Variants in CCDC7 observed in about 807,000 individuals in gnomAD.
CCDC7 encodes the protein coiled-coil domain containing 7.
Under a neutral mutation model 196.9 loss-of-function variants are expected in CCDC7, and 183 were observed. That is an observed-to-expected ratio of 0.93 (90% CI 0.82 to 1.05). The LOEUF (loss-of-function observed/expected upper bound fraction) is 1.05. Ranked by LOEUF, CCDC7 falls within the 50% of genes least tolerant of loss-of-function variation. The pLI, the probability that CCDC7 is intolerant of heterozygous loss-of-function variation, is 0.00. For synonymous variants in CCDC7, 525 were observed against 484.6 expected (o/e 1.08, Z -1.10); for missense variants, 1,540 against 1,482.2 (o/e 1.04, Z -0.64).
chr10:32,714,452 T>C (rs979707001), intron 25 of CCDC7, among the ~76,000 whole-genome samples: 3 of 151,974 alleles, frequency 2.0e-5, no homozygotes, highest in Non-Finnish European at 2.9e-5. Context: ...GGGCCCTAGG[T>C]TTCAAGCACA....
chr10:32,621,340 C>T (rs976920403), intron 18 of CCDC7, among the ~76,000 whole-genome samples: 7 of 152,072 alleles, frequency 4.6e-5, no homozygotes, highest in Non-Finnish European at 8.8e-5. Flanking sequence ...GTTAGGATTC[C>T]CAATTCATGT....
chr10:32,806,996 G>A (rs2085980993), intron 30 of CCDC7, among the ~76,000 whole-genome samples: 1 of 152,092 alleles, frequency 6.6e-6, no homozygotes, highest in Non-Finnish European at 1.5e-5. Flanking sequence ...ATGAAGGACT[G>A]TTAACCAAAA....
intron 18 of CCDC7, among the ~76,000 whole-genome samples, chr10:32,587,297 C>T (rs1040047544): frequency 1.3e-5 from 2 of 152,156 alleles, no homozygotes; most frequent in African/African-American, 2.4e-5. Flanking sequence ...TTTTACAGTT[C>T]TGAAGGCTGG....
intron 8 of CCDC7, among the ~76,000 whole-genome samples, chr10:32,489,411 C>T (rs2041810735): frequency 1.3e-5 from 2 of 152,180 alleles, no homozygotes; most frequent in South Asian, 4.1e-4. Context: ...GGTGGTAGCT[C>T]TGATGTCTGA....
chr10:32,783,354 T>C (rs755203057), intron 29 of CCDC7, among the ~76,000 whole-genome samples: 2 of 152,178 alleles, frequency 1.3e-5, no homozygotes, highest in Non-Finnish European at 2.9e-5. Flanking sequence ...GTGATTTGAA[T>C]AGACATTTTT....
chr10:32,820,767 A>T lies in CCDC7; in HGVS notation c.3182-3751A>T, dbSNP rs1403579444. On this transcript the variant is annotated intron_variant, in intron 31 of 41. Transcript: ENST00000639629. ...CTGAGAAAACTGGCTAGCCATATGT[A>T]GAAAGCTGAAACTAGATAGCTTCCT... 3.9e-5 allele frequency among the ~76,000 whole-genome samples: 6 copies of T among 152,364 alleles called. No individual in the cohort carries two copies. In the East Asian group the frequency reaches 1.2e-3, roughly 29 times the overall value.
chr10:32,768,294 T>C (rs2078640682), intron 28 of CCDC7, among the ~76,000 whole-genome samples: 1 of 152,146 alleles, frequency 6.6e-6, no homozygotes, highest in Admixed American at 6.6e-5. Context: ...GTAGCTATTG[T>C]AAGTGGGATT....
chr10:32,792,006 T>A (rs1463568425), intron 29 of CCDC7, among the ~76,000 whole-genome samples: 1 of 152,162 alleles, frequency 6.6e-6, no homozygotes, highest in African/African-American at 2.4e-5. Context: ...TTCCATCAGA[T>A]TTCTTTGTAG....
chr10:32,834,983 T>C, intron 33 of CCDC7, 85 bp downstream of exon 34: 1 of 550,512 alleles, frequency 1.8e-6, no homozygotes, highest in Non-Finnish European at 3.3e-6. Flanking sequence ...CAACTGTAGC[T>C]GTAAGTTATT....
chr10:32,640,652 G>T (rs1011940807), intron 20 of CCDC7, among the ~76,000 whole-genome samples: 1 of 152,102 alleles, frequency 6.6e-6, no homozygotes, highest in African/African-American at 2.4e-5. Context: ...GGTACTGGTT[G>T]TTCCTTTCCA....
intron 21 of CCDC7, among the ~76,000 whole-genome samples, chr10:32,671,245 G>T (rs1484891893): frequency 6.6e-6 from 1 of 152,032 alleles, no homozygotes; most frequent in African/African-American, 2.4e-5. Flanking sequence ...TTCTATACAG[G>T]TATATCAGTT....
intron 5 of CCDC7, among the ~76,000 whole-genome samples, chr10:32,469,418 G>T (rs1225506454): frequency 3.3e-5 from 5 of 152,206 alleles, no homozygotes; most frequent in Admixed American, 6.5e-5. Flanking sequence ...CTTCTGAAGA[G>T]GGAGCAGCTT....
intron 18 of CCDC7, among the ~76,000 whole-genome samples, chr10:32,599,110 T>C (rs1044512806): frequency 6.6e-6 from 1 of 152,242 alleles, no homozygotes; most frequent in Non-Finnish European, 1.5e-5. Flanking sequence ...TATATATATG[T>C]TTTTAATTGT....
chr10:32,789,136 T>C (rs962846744), intron 29 of CCDC7, among the ~76,000 whole-genome samples: 5 of 146,100 alleles, frequency 3.4e-5, no homozygotes, highest in African/African-American at 5.0e-5. Flanking sequence ...TTGTAAAGAC[T>C]GGAATAAGTG....
At chr10:32,840,973 C>T (rs76016594) in intron 33 of CCDC7, among the ~76,000 whole-genome samples, 5 of 152,028 alleles carry the variant, frequency 3.3e-5, no homozygotes, top group East Asian at 1.9e-4. Context: ...TTAAAACCCT[C>T]GGCAAAATCG....
intron 20 of CCDC7, among the ~76,000 whole-genome samples, chr10:32,656,126 A>T (rs2069807412): frequency 6.6e-6 from 1 of 152,160 alleles, no homozygotes; most frequent in Non-Finnish European, 1.5e-5. Context: ...AATGTCAGGG[A>T]GATTTTTCCC....
intron 18 of CCDC7, among the ~76,000 whole-genome samples, chr10:32,601,521 C>A (rs1042820505): frequency 6.6e-6 from 1 of 152,136 alleles, no homozygotes; most frequent in Non-Finnish European, 1.5e-5. Context: ...TTCTATTCCA[C>A]CATTTTTCTG....
chr10:32,549,307 G>A (rs189964232), intron 13 of CCDC7, among the ~76,000 whole-genome samples: 46 of 152,066 alleles, frequency 3.0e-4, no homozygotes, highest in African/African-American at 1.1e-3. Context: ...TAGATATTAG[G>A]TGTTAGTCCT....
intron 11 of CCDC7, among the ~76,000 whole-genome samples, chr10:32,519,705 C>T (rs73251583): frequency 0.052 from 7,948 of 152,002 alleles, 685 homozygotes; most frequent in African/African-American, 0.18. Flanking sequence ...TCCTTAAGCA[C>T]TTATCCTTTG....
Sources: allele counts gnomAD v4.1 joint callset (sites outside exome capture counted in the v4.1 genomes callset), GRCh38; gene constraint gnomAD v4.1.1; transcripts MANE v1.5; gene names NCBI Gene and HGNC (gene_info 2026-07-23, HGNC 2026-07-21).